The following SERINC5 variants were observed in gnomAD, a reference collection of about 807,000 sequenced individuals.
SERINC5 encodes the protein chromosome 5 open reading frame 12.
A neutral mutation model predicts 63.1 loss-of-function variants in SERINC5; 41 were observed. The observed-to-expected ratio is 0.65, with a 90% confidence interval of 0.51 to 0.84. The LOEUF (loss-of-function observed/expected upper bound fraction) is 0.84. Among genes scored for constraint, SERINC5 ranks in the 40% least tolerant of loss-of-function variants. The probability of loss-of-function intolerance (pLI) is 0.00; values close to 1 mark genes in which losing one functional copy is unlikely to be tolerated. For synonymous variants in SERINC5, 222 were observed against 215.2 expected (o/e 1.03, Z -0.28); for missense variants, 523 against 573.0 (o/e 0.91, Z 0.89).
At chr5:80,226,380 C>T (rs76021704) in intron 1 of SERINC5, among the ~76,000 whole-genome samples, 16,448 of 152,234 alleles carry the variant, frequency 0.11, 998 homozygotes, top group Middle Eastern at 0.14. Flanking sequence ...CCAGAAGCCA[C>T]TTTGGGATAA....
intron 1 of SERINC5, among the ~76,000 whole-genome samples, chr5:80,219,898 C>T (rs1295366183): frequency 5.3e-5 from 8 of 151,978 alleles, no homozygotes; most frequent in South Asian, 2.1e-4. Flanking sequence ...CAACCAAGTA[C>T]GGGAGTACAG....
intron 2 of SERINC5, 48 bp from the exon 3 acceptor site, chr5:80,178,112 T>C: frequency 5.2e-6 from 7 of 1,342,868 alleles, no homozygotes; most frequent in Non-Finnish European, 7.2e-6. Context: ...GAGTGAGAGG[T>C]GGACTGTCAC....
chr5:80,139,415 T>G lies in SERINC5; in HGVS notation c.*4248A>C. ...GAGTTCTTCCATCATTTTACTCATG[T>G]GAATATGATTAAACTCCTATAGAAG... On this transcript the variant is annotated 3_prime_UTR_variant, in exon 12 of 12. Coordinates refer to ENST00000507668, the MANE Select transcript of SERINC5 (RefSeq NM_001174072.3). The G allele has an allele frequency of 3.0e-6, 3 of 984,936 alleles. No homozygotes were observed. Among genetic ancestry groups the G allele is most frequent in the Non-Finnish European group, 3.6e-6 (3 of 829,470 alleles). The allele number at this position is 984,936 out of a possible 1,614,324, so 61.0% of individuals were successfully genotyped here.
At chr5:80,160,272 T>A (rs182879482) in intron 7 of SERINC5, among the ~76,000 whole-genome samples, 1 of 152,300 alleles carries the variant, frequency 6.6e-6, no homozygotes, top group East Asian at 1.9e-4. Context: ...TGTTGTAGTG[T>A]GAAACAGTAA....
intron 1 of SERINC5, among the ~76,000 whole-genome samples, chr5:80,228,068 GAAAAAAAA>G (rs535973486): frequency 7.6e-6 from 1 of 131,530 alleles, no homozygotes; most frequent in African/African-American, 2.8e-5. Flanking sequence ...CAAATAATAT[GAAAAAAAA>G]AAAAAATTAG....
chr5:80,249,715 C>T (rs1237547902), intron 1 of SERINC5, among the ~76,000 whole-genome samples: 1 of 151,120 alleles, frequency 6.6e-6, no homozygotes, highest in Non-Finnish European at 1.5e-5. Flanking sequence ...GGCAGGAGAA[C>T]TGCTTGAACC....
At chr5:80,215,764 G>A (rs1022750709) in intron 1 of SERINC5, among the ~76,000 whole-genome samples, 3 of 152,152 alleles carry the variant, frequency 2.0e-5, no homozygotes, top group Non-Finnish European at 1.5e-5. Context: ...AAACAGTCAA[G>A]GGTCAACTTA....
intron 8 of SERINC5, among the ~76,000 whole-genome samples, chr5:80,155,263 C>T (rs1746443424): frequency 6.6e-6 from 1 of 152,186 alleles, no homozygotes; most frequent in Non-Finnish European, 1.5e-5. Flanking sequence ...GAGGGATGCG[C>T]CTATAGAAAG....
At chr5:80,240,722 T>C (rs910612612) in intron 1 of SERINC5, among the ~76,000 whole-genome samples, 3 of 152,198 alleles carry the variant, frequency 2.0e-5, no homozygotes, top group Non-Finnish European at 4.4e-5. Flanking sequence ...TGGAGTGCAA[T>C]GGCAAGATCA....
Position 80,164,910 on chromosome 5 carries a change from G to GTTTTTTT in SERINC5, c.859+1466_859+1472dup, listed in dbSNP as rs70982026. 8.9e-3 allele frequency among the ~76,000 whole-genome samples: 758 copies of GTTTTTTT among 85,198 alleles called. 93 individuals are homozygous for GTTTTTTT. Among genetic ancestry groups the GTTTTTTT allele is most frequent in the African/African-American group, 0.027 (548 of 20,466 alleles). 55.9% of individuals were successfully genotyped at this position (85,198 alleles called of 152,430 possible). ...TGAAATTTAAAATAACTTTTTTTCT[G>GTTTTTTT]TTTTTTTTTTTTTTTTTTTTTTGTA... is the stretch of plus-strand genomic sequence containing the variant. On this transcript the variant is annotated intron_variant, in intron 7 of 11. Transcript: ENST00000507668.
At chr5:80,252,997 A>ATC (rs1273926402) in intron 1 of SERINC5, among the ~76,000 whole-genome samples, 1 of 152,194 alleles carries the variant, frequency 6.6e-6, no homozygotes, top group Non-Finnish European at 1.5e-5. Context: ...TATAATAGGC[A>ATC]TCTCTAATGT....
At chr5:80,181,337 C>G (rs533022765) in intron 2 of SERINC5, among the ~76,000 whole-genome samples, 3 of 152,230 alleles carry the variant, frequency 2.0e-5, no homozygotes, top group Non-Finnish European at 2.9e-5. Context: ...ACCGTCGCCT[C>G]CAGGGCTCAA....
intron 1 of SERINC5, among the ~76,000 whole-genome samples, chr5:80,250,243 G>A (rs902603312): frequency 2.0e-5 from 3 of 152,186 alleles, no homozygotes; most frequent in African/African-American, 7.2e-5. Context: ...CAAAACAAGA[G>A]AAAGATCATT....
chr5:80,250,918 G>A (rs1216504701), intron 1 of SERINC5, among the ~76,000 whole-genome samples: 1 of 151,992 alleles, frequency 6.6e-6, no homozygotes, highest in Non-Finnish European at 1.5e-5. Flanking sequence ...GCACAAAATC[G>A]AATGGAGCTC....
At chr5:80,155,052 G>C (rs553340287) in intron 8 of SERINC5, among the ~76,000 whole-genome samples, 1 of 152,212 alleles carries the variant, frequency 6.6e-6, no homozygotes, top group East Asian at 1.9e-4. Flanking sequence ...GAGAGCTACA[G>C]GTATAGGCTC....
chr5:80,226,043 G>GAAAAA (rs57623969), intron 1 of SERINC5, among the ~76,000 whole-genome samples: 1 of 145,700 alleles, frequency 6.9e-6, no homozygotes, highest in Non-Finnish European at 1.5e-5. Flanking sequence ...CTCCCCAAAG[G>GAAAAA]AAAAAAAAAA....
At chr5:80,137,760 A>G (rs1041052236), downstream of SERINC5, among the ~76,000 whole-genome samples, 86 of 151,414 alleles carry the variant, frequency 5.7e-4, no homozygotes, top group African/African-American at 2.0e-3. Context: ...CGTGCAACAT[A>G]GTGAGACCCT....
intron 2 of SERINC5, among the ~76,000 whole-genome samples, chr5:80,178,342 G>GCCCCCA (rs1748178396): frequency 2.4e-5 from 2 of 83,526 alleles, no homozygotes; most frequent in Non-Finnish European, 4.8e-5. Context: ...TTTTTTAACC[G>GCCCCCA]CCCCCACCCC....
intron 2 of SERINC5, among the ~76,000 whole-genome samples, chr5:80,185,639 G>T (rs1308475298): frequency 6.6e-6 from 1 of 152,116 alleles, no homozygotes; most frequent in Non-Finnish European, 1.5e-5. Context: ...CGTTTTATAA[G>T]ATTTGGGCAG....
Sources: allele counts gnomAD v4.1 joint callset (sites outside exome capture counted in the v4.1 genomes callset), GRCh38; gene constraint gnomAD v4.1.1; transcripts MANE v1.5; gene names NCBI Gene and HGNC (gene_info 2026-07-23, HGNC 2026-07-21).